The following F13A1 variants were observed in gnomAD, a reference collection of about 807,000 sequenced individuals.
The protein encoded by F13A1 is FSF, A subunit.
F13A1 carries 47 observed loss-of-function variants against 80.1 expected under a neutral mutation model. The observed-to-expected ratio is 0.59, with a 90% CI of 0.46 to 0.75. The LOEUF (loss-of-function observed/expected upper bound fraction) is 0.75. Among genes scored for constraint, F13A1 ranks in the 30% least tolerant of loss-of-function variants. The pLI is 0.00. For synonymous variants in F13A1, 349 were observed against 344.9 expected, an observed-to-expected ratio of 1.01 and a Z score of -0.13; for missense variants, 817 against 930.4, an observed-to-expected ratio of 0.88 and a Z score of 1.59.
rs550847658 is a variant in F13A1 at position 6,305,966 on chromosome 6, T to A, written c.131-427A>T. Among the ~76,000 whole-genome samples, 3 of 152,326 alleles carry A rather than the reference T, an allele frequency of 2.0e-5. No homozygotes were observed. The South Asian group carries it at 6.2e-4, about 32-fold the overall frequency. ...CAGGGAATAGCCACTTCAATTTTCT[T>A]ATCTTTCCAAAGGAAGGAATCAAAT... On this transcript the variant is annotated intron_variant, in intron 2 of 14. Coordinates refer to ENST00000264870, the MANE Select transcript of F13A1 (RefSeq NM_000129.4).
chr6:6,207,774 A>G (rs567863788), intron 8 of F13A1, among the ~76,000 whole-genome samples: 1 of 152,310 alleles, frequency 6.6e-6, no homozygotes, highest in African/African-American at 2.4e-5. Context: ...TCTCTGTCCA[A>G]TTGTTATATG....
chr6:6,314,078 T>G (rs1333383540), intron 2 of F13A1, among the ~76,000 whole-genome samples: 1 of 147,736 alleles, frequency 6.8e-6, no homozygotes, highest in African/African-American at 2.5e-5. Flanking sequence ...ACCTCCCAGG[T>G]TCAAGCGATT....
chr6:6,183,907 A>G (rs931925792), intron 10 of F13A1, among the ~76,000 whole-genome samples: 1 of 152,226 alleles, frequency 6.6e-6, no homozygotes, highest in African/African-American at 2.4e-5. Context: ...CCAGAGTGAG[A>G]TAAGATCTAT....
chr6:6,313,984 C>CAGTTTTTT (rs374113663), intron 2 of F13A1, among the ~76,000 whole-genome samples: 1 of 139,310 alleles, frequency 7.2e-6, no homozygotes, highest in African/African-American at 2.8e-5. Flanking sequence ...TTTCTCCTTA[C>CAGTTTTTT]TCTTTTTTTT....
intron 8 of F13A1, chr6:6,206,586 C>A: frequency 2.0e-6 from 1 of 509,128 alleles, no homozygotes; most frequent in Non-Finnish European, 4.0e-6. Flanking sequence ...ATTCCAGCAG[C>A]AGGAATGGAT....
chr6:6,200,630 G>A (rs2151083654), intron 8 of F13A1, among the ~76,000 whole-genome samples: 1 of 152,198 alleles, frequency 6.6e-6, no homozygotes, highest in East Asian at 1.9e-4. Context: ...TGCAATGCAG[G>A]GAAGTCTGTT....
intron 2 of F13A1, among the ~76,000 whole-genome samples, chr6:6,311,022 C>A (rs1046486953): frequency 1.4e-5 from 2 of 146,422 alleles, no homozygotes; most frequent in Admixed American, 1.4e-4. Context: ...CCTCTTGATT[C>A]GCAGGAAACA....
At chr6:6,218,907 T>C (rs1757144339) in intron 8 of F13A1, among the ~76,000 whole-genome samples, 1 of 152,156 alleles carries the variant, frequency 6.6e-6, no homozygotes, top group African/African-American at 2.4e-5. Flanking sequence ...CCCTGCTGGC[T>C]GATTTCTGGT....
At chr6:6,157,546 G>A (rs774023606) in intron 13 of F13A1, among the ~76,000 whole-genome samples, 1 of 152,108 alleles carries the variant, frequency 6.6e-6, no homozygotes, top group Non-Finnish European at 1.5e-5. Flanking sequence ...AGGATTATAA[G>A]TTGACCCTGA....
chr6:6,294,458 G>A (rs573874945), intron 3 of F13A1, among the ~76,000 whole-genome samples: 9 of 151,680 alleles, frequency 5.9e-5, no homozygotes, highest in African/African-American at 2.2e-4. Flanking sequence ...GCCTATTGTG[G>A]GACCTTGTGA....
chr6:6,163,016 G>A (rs1480910357), intron 13 of F13A1, among the ~76,000 whole-genome samples: 1 of 152,220 alleles, frequency 6.6e-6, no homozygotes, highest in East Asian at 1.9e-4. Context: ...GTTTAATAAT[G>A]TAGTGCTTAA....
chr6:6,211,960 G>A (rs553015852), intron 8 of F13A1, among the ~76,000 whole-genome samples: 4 of 152,316 alleles, frequency 2.6e-5, no homozygotes, highest in African/African-American at 4.8e-5. Context: ...CAAATACTGC[G>A]CTTTTCTGAC....
chr6:6,233,311 T>C (rs1190330061), intron 6 of F13A1, among the ~76,000 whole-genome samples: 1 of 152,144 alleles, frequency 6.6e-6, no homozygotes, highest in Non-Finnish European at 1.5e-5. Flanking sequence ...TCAAGGCTAC[T>C]ATGAACACCT....
intron 4 of F13A1, among the ~76,000 whole-genome samples, chr6:6,260,073 G>T (rs972893916): frequency 2.6e-5 from 4 of 152,096 alleles, no homozygotes; most frequent in African/African-American, 9.7e-5. Context: ...TGCCTTTGTG[G>T]GTACAGTTCT....
intron 8 of F13A1, among the ~76,000 whole-genome samples, chr6:6,200,857 G>C (rs1279610590): frequency 1.3e-5 from 2 of 152,094 alleles, no homozygotes; most frequent in African/African-American, 2.4e-5. Context: ...TCTCTGAGCA[G>C]GAACATGAGG....
chr6:6,233,898 T>C (rs902307144), intron 6 of F13A1, among the ~76,000 whole-genome samples: 2 of 151,922 alleles, frequency 1.3e-5, no homozygotes, highest in African/African-American at 2.4e-5. Flanking sequence ...AAATCCAACA[T>C]TGCTTTATCA....
chr6:6,250,693 C>T lies in F13A1; in HGVS notation c.690+118G>A, dbSNP rs1190701793. Reference sequence around the variant, plus strand: ...GCTCTCTGCCTTGGAGTCTCAGATCCTAAAAAGCAGGAAATTGTGCTTGTC... The same window carrying T: ...GCTCTCTGCCTTGGAGTCTCAGATCTTAAAAAGCAGGAAATTGTGCTTGTC... On this transcript the variant is annotated intron_variant, in intron 5 of 14. Transcript: ENST00000264870. The surrounding 1 kb of genome is among the most constrained non-coding windows in gnomAD (Gnocchi z 4.2). 1.5e-5 allele frequency: 11 copies of T among 754,850 alleles called. No individual in the cohort carries two copies. The highest frequency in any genetic ancestry group is 2.6e-5 in the Non-Finnish European group (11 of 425,750). 46.8% of individuals were successfully genotyped at this position (754,850 alleles called of 1,614,324 possible). A position where few individuals can be genotyped will look rare whatever the true frequency, so the allele number is the denominator to read the frequency against.
chr6:6,144,240 A>C lies in F13A1; in HGVS notation c.*1379T>G, dbSNP rs1196063275. On this transcript the variant is annotated 3_prime_UTR_variant, in exon 15 of 15. Transcript: ENST00000264870. ...GCTGTGAGATTACTTAGTAAAGTTA[A>C]GTATGATGTATATATAGAGGGGACC... is the stretch of plus-strand genomic sequence containing the variant. The C allele has an allele frequency of 6.6e-6, 1 of 152,318 alleles. No individual in the cohort carries two copies. Among genetic ancestry groups the C allele is most frequent in the East Asian group, 1.9e-4 (1 of 5,190 alleles). The allele number at this position is 152,318 out of a possible 1,614,324, so 9.4% of individuals were successfully genotyped here.
chr6:6,159,365 C>T (rs1027895153), intron 13 of F13A1, among the ~76,000 whole-genome samples: 1 of 152,000 alleles, frequency 6.6e-6, no homozygotes, highest in Non-Finnish European at 1.5e-5. Context: ...CTGTTAACCT[C>T]GGTAAAAATT....
Sources: gnomAD v4.1 joint callset for allele counts (sites outside exome capture counted in the v4.1 genomes callset) on GRCh38, gnomAD v4.1.1 for gene constraint, Gnocchi (gnomAD v3.1) non-coding constraint, MANE v1.5 for transcripts, NCBI Gene and HGNC (gene_info 2026-07-23, HGNC 2026-07-21) for gene names.